Variants in SLC6A5 observed in about 807,000 individuals in gnomAD.
The protein encoded by SLC6A5 is sodium- and chloride-dependent glycine transporter 2.
In SLC6A5, 58 loss-of-function variants were observed where a neutral mutation model predicts 90.5. The ratio of observed to expected loss-of-function variants is 0.64; its 90% CI spans 0.52 to 0.80. SLC6A5 has a LOEUF of 0.80. SLC6A5 is among the 30% of genes least tolerant of loss of function. The pLI is 0.00. For missense variants in SLC6A5, 1,015 were observed against 1,017.6 expected, an observed-to-expected ratio of 1.00 and a Z score of 0.03; for synonymous variants, 427 against 401.4, an observed-to-expected ratio of 1.06 and a Z score of -0.76.
At chr11:20,629,820 C>T (rs1177350796) in intron 9 of SLC6A5, among the ~76,000 whole-genome samples, 1 of 151,580 alleles carries the variant, frequency 6.6e-6, no homozygotes, top group Non-Finnish European at 1.5e-5. Flanking sequence ...ACCTCCACCT[C>T]CCAGGTTCAA....
intron 7 of SLC6A5, among the ~76,000 whole-genome samples, chr11:20,618,532 C>T (rs937981506): frequency 6.6e-6 from 1 of 152,132 alleles, no homozygotes; most frequent in Non-Finnish European, 1.5e-5. Flanking sequence ...AACTCCCACC[C>T]AAGCTCAGTT....
rs1212267333 is a variant in SLC6A5, at chr11:20,654,720, A to G, written c.2246A>G (p.Lys749Arg). 6.2e-7 allele frequency: 1 copy of G among 1,614,108 alleles called. No homozygotes were observed. Among genetic ancestry groups the G allele is most frequent in the African/African-American group, 1.3e-5 (1 of 75,022 alleles). ...LAPGRFIERL[K>R]LVCSPQPDWG... is the part of the protein sequence containing the mutation. ...TCTTTGGCTTCTTTGCAGAGGCTGA[A>G]GTTGGTGTGCTCGCCACAGCCGGAC... Residue 749 changes from lysine to arginine, a missense_variant, in exon 16 of 16, where the codon AAG (lysine) becomes AGG (arginine). Around this residue, in one of 3 missense-constraint regions of SLC6A5, gnomAD observed 442 missense variants for 494.3 expected, o/e 0.89. Coordinates refer to ENST00000525748, the MANE Select transcript of SLC6A5 (RefSeq NM_004211.5).
chr11:20,603,090 C>G (rs1173295583), intron 2 of SLC6A5, among the ~76,000 whole-genome samples: 1 of 152,148 alleles, frequency 6.6e-6, no homozygotes, highest in Non-Finnish European at 1.5e-5. Context: ...TCTGATTGTG[C>G]CTTTCTGACA....
In SLC6A5 at chr11:20,655,313, A is replaced by G. The variant is rs531436664; in HGVS notation, c.*445A>G. On this transcript the variant is annotated 3_prime_UTR_variant, in exon 16 of 16. Coordinates refer to ENST00000525748, the MANE Select transcript of SLC6A5 (RefSeq NM_004211.5). ...TGTGGTGATCTTGTTCAGACACACA[A>G]AGTTCAAGACAGGTTTTTTTTTTTT... 4.2e-4 allele frequency: 96 copies of G among 228,178 alleles called. No homozygotes were observed. The highest frequency in any genetic ancestry group is 7.3e-4 in the Non-Finnish European group (83 of 113,140). The allele number at this position is 228,178 out of a possible 1,614,324, so 14.1% of individuals were successfully genotyped here. A position where few individuals can be genotyped will look rare whatever the true frequency, so the allele number is the denominator to read the frequency against.
At chr11:20,612,736 T>A (rs917910151) in intron 5 of SLC6A5, among the ~76,000 whole-genome samples, 17 of 152,206 alleles carry the variant, frequency 1.1e-4, no homozygotes, top group African/African-American at 4.1e-4. Context: ...CCTAGGCTGG[T>A]CTTGAAGTCT....
chr11:20,650,021 C>T lies in SLC6A5; in HGVS notation c.2071-2268C>T, dbSNP rs114257318. Among the ~76,000 whole-genome samples, 420 of 152,316 alleles carry T rather than the reference C, an allele frequency of 2.8e-3. 4 individuals carry two copies. The highest frequency in any genetic ancestry group is 9.8e-3 in the African/African-American group (406 of 41,564). On this transcript the variant is annotated intron_variant, in intron 14 of 15. Transcript: ENST00000525748. ...ACTTGCCCCAGCTGCCTGGGCTTTG[C>T]GGCAGTAATACAGATGCCTTACATC... is the stretch of plus-strand genomic sequence containing the variant.
intron 13 of SLC6A5, among the ~76,000 whole-genome samples, chr11:20,639,840 C>A (rs1433683812): frequency 2.0e-5 from 3 of 152,194 alleles, no homozygotes; most frequent in African/African-American, 7.2e-5. Context: ...CACATCCCCA[C>A]TGCAGGGAGA....
At position 20,601,500 on chromosome 11, in the gene SLC6A5, G is replaced by T. The variant is rs563708600; in HGVS notation, c.375G>T (p.Leu125=). Residue 125 remains leucine (L), a synonymous_variant, in exon 2 of 16, where the codon CTG becomes CTT. Coordinates refer to ENST00000525748, the MANE Select transcript of SLC6A5 (RefSeq NM_004211.5). ...GNALHCKIPF[L]RGPEGDANVS... is the part of the protein sequence containing the mutation. The stretch of plus-strand genomic sequence containing the variant: ...CGCTGCACTGTAAGATCCCTTTTCT[G>T]CGAGGCCCGGAGGGGGATGCGAACG... 10 of 1,613,892 alleles carry T rather than the reference G, an allele frequency of 6.2e-6. No homozygotes were observed. In the East Asian group the frequency reaches 2.0e-4, roughly 32 times the overall value.
At position 20,626,724 on chromosome 11, in the gene SLC6A5, C is replaced by T; in HGVS notation, c.1277C>T (p.Ala426Val). 1 of 1,614,106 alleles carries T rather than the reference C, an allele frequency of 6.2e-7. No homozygotes were observed. The change falls in exon 8 of 16, where the codon GCC (alanine) becomes GTC (valine). Residue 426 changes from alanine to valine, a missense_variant. By Grantham distance (64) the Ala-to-Val change is moderately conservative. This residue lies in a region of SLC6A5 where 442 missense variants were observed against 494.3 expected (regional missense o/e 0.89). Transcript: ENST00000525748. ...CTTTTCTAGGTGGTGTACTTCACGGCCACGTTCCCGTATGTCGTACTCGTG... is the reference window on the plus strand; with the variant it reads ...CTTTTCTAGGTGGTGTACTTCACGGTCACGTTCCCGTATGTCGTACTCGTG... ...KTSGKVVYFT[A>V]TFPYVVLVIL...
At chr11:20,631,789 C>G (rs1413653207) in intron 10 of SLC6A5, among the ~76,000 whole-genome samples, 2 of 152,200 alleles carry the variant, frequency 1.3e-5, no homozygotes, top group Non-Finnish European at 2.9e-5. Flanking sequence ...TATCTTCCTT[C>G]AAGGAGCTGA....
chr11:20,614,969 T>C (rs1565275952), intron 6 of SLC6A5, 149 bp downstream of exon 6: 1 of 748,658 alleles, frequency 1.3e-6, no homozygotes, highest in East Asian at 2.6e-5. Context: ...CAAGAGCAGA[T>C]TGTTGTGTCT....
chr11:20,609,249 C>G (rs1852648779), intron 5 of SLC6A5, among the ~76,000 whole-genome samples: 1 of 151,964 alleles, frequency 6.6e-6, no homozygotes, highest in Non-Finnish European at 1.5e-5. Context: ...CTGAGCAGAT[C>G]CTATCTCATT....
chr11:20,628,310 T>C (rs1853041911), intron 9 of SLC6A5, among the ~76,000 whole-genome samples: 1 of 152,174 alleles, frequency 6.6e-6, no homozygotes, highest in Non-Finnish European at 1.5e-5. Flanking sequence ...GCTCAGTGGC[T>C]ATTTACAGGA....
In SLC6A5 at chr11:20,638,525, A is replaced by AT; in HGVS notation, c.1941dup (p.Glu648Ter). The AT allele has an allele frequency of 6.2e-7, 1 of 1,612,814 alleles. No homozygotes were observed. Among genetic ancestry groups the AT allele is most frequent in the Non-Finnish European group, 8.5e-7 (1 of 1,178,908 alleles). On this transcript the variant is annotated frameshift_variant, in exon 13 of 16. Transcript: ENST00000525748. LOFTEE classifies it high-confidence loss of function. ...CTCCTATGCCCTTGTCATCATTGCCATTTTTGAGCTCGTGGGGATCTCTTA... is the reference window on the plus strand; with the variant it reads ...CTCCTATGCCCTTGTCATCATTGCCATTTTTTGAGCTCGTGGGGATCTCTTA...
At chr11:20,642,591 C>T (rs1482083482) in intron 13 of SLC6A5, among the ~76,000 whole-genome samples, 1 of 152,156 alleles carries the variant, frequency 6.6e-6, no homozygotes, top group African/African-American at 2.4e-5. Context: ...GCAGGCAAGT[C>T]CCTCTTGCCC....
chr11:20,626,634 G>A (rs944999556), intron 7 of SLC6A5, 74 bp from the exon 8 acceptor site: 6 of 1,538,912 alleles, frequency 3.9e-6, no homozygotes, highest in South Asian at 1.1e-5. Flanking sequence ...ACTCTTCCCC[G>A]AGCAATGCTC....
In SLC6A5 at chr11:20,617,797, G is replaced by T. The variant is rs553897287; in HGVS notation, c.1173G>T (p.Glu391Asp). The T allele has an allele frequency of 6.2e-7, 1 of 1,614,210 alleles. No homozygotes were observed. The highest frequency in any genetic ancestry group is 1.1e-5 in the South Asian group (1 of 91,088). Residue 391 changes from glutamate to aspartate, a missense_variant, in exon 7 of 16, where the codon GAG becomes GAT. Coordinates refer to ENST00000525748, the MANE Select transcript of SLC6A5 (RefSeq NM_004211.5). ...CTGCAGGGATTGAATATCCTGGCGA[G>T]ATCAGGTGGCCACTAGCTCTCTGCC... Reference protein sequence around the residue: ...KISAGIEYPGEIRWPLALCLF... With the variant: ...KISAGIEYPGDIRWPLALCLF...
intron 6 of SLC6A5, among the ~76,000 whole-genome samples, 158 bp from the exon 7 acceptor site, chr11:20,617,594 C>T (rs1486888441): frequency 1.3e-5 from 2 of 152,210 alleles, no homozygotes; most frequent in Non-Finnish European, 2.9e-5. Flanking sequence ...AAATTCCCCA[C>T]AGCCTGATGT....
chr11:20,628,854 T>C (rs1347776977), intron 9 of SLC6A5, among the ~76,000 whole-genome samples: 2 of 152,154 alleles, frequency 1.3e-5, no homozygotes, highest in Non-Finnish European at 2.9e-5. Flanking sequence ...ACACTATTAA[T>C]TAGTCCATTA....
Sources: allele counts gnomAD v4.1 joint callset (sites outside exome capture counted in the v4.1 genomes callset), GRCh38; gene constraint gnomAD v4.1.1; regional missense constraint gnomAD v4.1.1; transcripts MANE v1.5; gene names NCBI Gene and HGNC (gene_info 2026-07-23, HGNC 2026-07-21).